The following RALY variants were observed in gnomAD, a reference collection of about 807,000 sequenced individuals.
The protein encoded by RALY is RALY heterogeneous nuclear ribonucleoprotein, also known as RNA-binding protein Raly.
In RALY, 15 loss-of-function variants were observed where a neutral mutation model predicts 30.7. The observed-to-expected ratio is 0.49, with a 90% CI of 0.33 to 0.75. RALY has a LOEUF of 0.75. Among genes scored for constraint, RALY ranks in the 30% least tolerant of loss-of-function variants. The pLI is 0.02. For synonymous variants in RALY, 177 were observed against 170.8 expected (o/e 1.04, Z -0.28); for missense variants, 339 against 414.3 (o/e 0.82, Z 1.58).
At chr20:34,052,738 G>A (rs1373221812) in intron 2 of RALY, among the ~76,000 whole-genome samples, 10 of 152,190 alleles carry the variant, frequency 6.6e-5, no homozygotes, top group African/African-American at 2.4e-4. Context: ...TCTTCCTGCT[G>A]TAAGAAATTT....
intron 1 of RALY, among the ~76,000 whole-genome samples, chr20:34,017,239 C>T (rs1407388907): frequency 6.6e-6 from 1 of 152,198 alleles, no homozygotes; most frequent in Non-Finnish European, 1.5e-5. Context: ...GTTTATTTCT[C>T]CTTGCAACCT....
Position 34,077,146 on chromosome 20 carries a change from A to G in RALY, c.777A>G (p.Gln259=), listed in dbSNP as rs1463178033. 7 of 1,613,028 alleles carry G rather than the reference A, an allele frequency of 4.3e-6. No homozygotes were observed. Among genetic ancestry groups the G allele is most frequent in the Non-Finnish European group, 5.9e-6 (7 of 1,179,742 alleles). The change falls in exon 8 of 10, where the codon CAA becomes CAG. Residue 259 remains glutamine, a synonymous_variant. Transcript: ENST00000246194. ...GGGSSRPPAP[Q]ENTTSEAGLP... ...GCAGCAGCCGGCCACCAGCCCCCCA[A>G]GAGAACACAACTTCTGAGGCAGGCC...
chr20:33,995,508 C>A (rs1601386575), intron 1 of RALY, among the ~76,000 whole-genome samples: 1 of 152,160 alleles, frequency 6.6e-6, no homozygotes, highest in Admixed American at 6.5e-5. Context: ...CTAAAATTAA[C>A]TTTGGCAAAT....
chr20:34,025,727 A>C (rs893187077), intron 1 of RALY, among the ~76,000 whole-genome samples: 31 of 151,664 alleles, frequency 2.0e-4, no homozygotes, highest in African/African-American at 7.0e-4. Context: ...GTAGGAGATT[A>C]TTTCCTCTGT....
chr20:33,993,960 C>G lies in RALY; in HGVS notation c.-264C>G, dbSNP rs1014187271. 2 of 152,046 alleles carry G rather than the reference C, an allele frequency of 1.3e-5. No homozygotes were observed. Among genetic ancestry groups the G allele is most frequent in the Non-Finnish European group, 2.9e-5 (2 of 67,990 alleles). 9.4% of individuals were successfully genotyped at this position (152,046 alleles called of 1,614,324 possible). On this transcript the variant is annotated 5_prime_UTR_variant, in exon 1 of 10. Coordinates refer to ENST00000246194, the MANE Select transcript of RALY (RefSeq NM_016732.3). Reference sequence around the variant, plus strand: ...GGCGCCAGCTCGGGGCAGCGGAACCCAGAGAAGCTGAGGGGGCGGTAGCGG... The same window carrying G: ...GGCGCCAGCTCGGGGCAGCGGAACCGAGAGAAGCTGAGGGGGCGGTAGCGG...
intron 1 of RALY, among the ~76,000 whole-genome samples, chr20:34,009,023 T>C (rs1405106948): frequency 2.6e-5 from 4 of 152,010 alleles, no homozygotes; most frequent in African/African-American, 9.7e-5. Context: ...GGAGATAGTA[T>C]GTATGTGTGA....
At chr20:34,051,870 G>T (rs545932899) in intron 2 of RALY, among the ~76,000 whole-genome samples, 1 of 152,214 alleles carries the variant, frequency 6.6e-6, no homozygotes, top group Non-Finnish European at 1.5e-5. Context: ...CTCCCAAAGT[G>T]CTGGGATTAC....
chr20:34,019,296 C>T (rs1277686320), intron 1 of RALY, among the ~76,000 whole-genome samples: 2 of 151,786 alleles, frequency 1.3e-5, no homozygotes, highest in African/African-American at 2.4e-5. Context: ...TCTTGCACTC[C>T]AGCCTGGGCG....
At chr20:34,017,091 A>G (rs1196523929) in intron 1 of RALY, among the ~76,000 whole-genome samples, 5 of 152,296 alleles carry the variant, frequency 3.3e-5, no homozygotes, top group Admixed American at 6.5e-5. Context: ...GTTAACTTGT[A>G]TCCCTATTTG....
At position 34,072,193 on chromosome 20, in the gene RALY, C is replaced by T. The variant is rs2033745853; in HGVS notation, c.119C>T (p.Thr40Ile). Residue 40 changes from threonine (T) to isoleucine (I), a missense_variant, in exon 3 of 10, where the codon ACC becomes ATC. Coordinates refer to ENST00000246194, the MANE Select transcript of RALY (RefSeq NM_016732.3). Reference protein sequence around the residue: ...TALVKKSDVETIFSKYGRVAG... With the variant: ...TALVKKSDVEIIFSKYGRVAG... ...CTGGTGAAGAAATCAGATGTGGAGA[C>T]CATCTTCTCTAAGTATGGCCGTGTG... The T allele has an allele frequency of 6.2e-7, 1 of 1,614,234 alleles. No homozygotes were observed. The highest frequency in any genetic ancestry group is 1.1e-5 in the South Asian group (1 of 91,090).
intron 9 of RALY, among the ~76,000 whole-genome samples, chr20:34,079,015 C>A (rs1034133034): frequency 6.6e-6 from 1 of 152,214 alleles, no homozygotes; most frequent in African/African-American, 2.4e-5. Flanking sequence ...CTGTGACAGT[C>A]CTTGGTATGT....
chr20:34,064,680 A>G (rs1226011925), intron 2 of RALY, among the ~76,000 whole-genome samples: 1 of 152,224 alleles, frequency 6.6e-6, no homozygotes, highest in Non-Finnish European at 1.5e-5. Context: ...GAGATGACAT[A>G]GTAAAGAACA....
intron 1 of RALY, among the ~76,000 whole-genome samples, chr20:34,026,441 C>A (rs945240013): frequency 1.3e-4 from 19 of 151,714 alleles, no homozygotes; most frequent in African/African-American, 4.6e-4. Context: ...CTCGCTCTGT[C>A]GCCCATGCTG....
At chr20:34,027,417 A>G (rs4911145) in intron 1 of RALY, among the ~76,000 whole-genome samples, 79,629 of 152,138 alleles carry the variant, frequency 0.52, 23,028 homozygotes, top group South Asian at 0.75. Context: ...TGCCTGAGGC[A>G]TAGTAGCAGC....
intron 2 of RALY, among the ~76,000 whole-genome samples, chr20:34,071,531 G>A (rs866872775): frequency 2.6e-5 from 4 of 152,000 alleles, no homozygotes; most frequent in African/African-American, 4.8e-5. Context: ...CACCCGTCTC[G>A]GCCTCCAAAG....
chr20:34,011,132 T>C (rs917553554), intron 1 of RALY, among the ~76,000 whole-genome samples: 1 of 152,180 alleles, frequency 6.6e-6, no homozygotes, highest in African/African-American at 2.4e-5. Flanking sequence ...AGTATACTTA[T>C]TTTTTCAGAG....
intron 2 of RALY, among the ~76,000 whole-genome samples, chr20:34,057,886 A>G (rs2033300816): frequency 1.3e-5 from 2 of 152,180 alleles, no homozygotes; most frequent in South Asian, 4.1e-4. Context: ...ACATTGGTTC[A>G]TGGAGTTTAA....
At chr20:33,995,066 A>G (rs2030545262) in intron 1 of RALY, among the ~76,000 whole-genome samples, 1 of 152,084 alleles carries the variant, frequency 6.6e-6, no homozygotes, top group Non-Finnish European at 1.5e-5. Context: ...TGCAGAGGGT[A>G]TTTTTACCTA....
intron 1 of RALY, among the ~76,000 whole-genome samples, chr20:34,020,885 A>T (rs2031793278): frequency 6.6e-6 from 1 of 152,156 alleles, no homozygotes; most frequent in African/African-American, 2.4e-5. Context: ...TTAGTAGAGA[A>T]CACCTGTCCT....
Sources: gnomAD v4.1 joint callset for allele counts (sites outside exome capture counted in the v4.1 genomes callset) on GRCh38, gnomAD v4.1.1 for gene constraint, MANE v1.5 for transcripts, NCBI Gene and HGNC (gene_info 2026-07-23, HGNC 2026-07-21) for gene names.